Variants in TMEM272 observed in about 807,000 individuals in gnomAD.
TMEM272 encodes transmembrane protein 272, also known as long intergenic non-protein coding RNA 282.
TMEM272 carries 8 observed loss-of-function variants against 3.7 expected under a neutral mutation model. That is an observed-to-expected ratio of 2.17 (90% CI 1.27 to 3.91). The LOEUF (loss-of-function observed/expected upper bound fraction) is 3.91. Ranked by LOEUF, TMEM272 falls within the 30% of genes most tolerant of loss-of-function variation. The pLI is 0.00. For missense variants in TMEM272, 166 were observed against 91.5 expected (o/e 1.81, Z -3.32); for synonymous variants, 63 against 39.8 (o/e 1.58, Z -2.20).
intron 2 of TMEM272, among the ~76,000 whole-genome samples, chr13:51,836,368 G>C (rs1244894942): frequency 1.3e-5 from 2 of 152,216 alleles, no homozygotes; most frequent in Non-Finnish European, 2.9e-5. Flanking sequence ...TGTTATAGCA[G>C]CACAAAGTGG....
chr13:51,822,613 G>A (rs2139555521), intron 3 of TMEM272, among the ~76,000 whole-genome samples: 1 of 152,132 alleles, frequency 6.6e-6, no homozygotes, highest in Admixed American at 6.5e-5. Flanking sequence ...CCAGGTGGCA[G>A]GGAGGAGCCG....
At chr13:51,826,933 C>T (rs1286649939) in intron 2 of TMEM272, among the ~76,000 whole-genome samples, 2 of 152,204 alleles carry the variant, frequency 1.3e-5, no homozygotes, top group East Asian at 1.9e-4. Context: ...CCACTGTGCC[C>T]GTGCCAGGAT....
chr13:51,862,536 T>C, the TMEM272 span, among the ~76,000 whole-genome samples: 2 of 152,200 alleles, frequency 1.3e-5, no homozygotes, highest in Non-Finnish European at 2.9e-5. Context: ...TAGACGCCCA[T>C]TCATCCAGCT....
chr13:51,871,865 T>G, the TMEM272 span, among the ~76,000 whole-genome samples: 1 of 134,562 alleles, frequency 7.4e-6, no homozygotes, highest in East Asian at 2.3e-4. Flanking sequence ...CCCAGAGGCT[T>G]TCCAGCCTTC....
chr13:51,861,503 G>GA, the TMEM272 span, among the ~76,000 whole-genome samples: 4 of 151,838 alleles, frequency 2.6e-5, no homozygotes, highest in Non-Finnish European at 4.4e-5. Context: ...ACTGACAGAA[G>GA]AAAAAAATCC....
chr13:51,854,056 T>C, the TMEM272 span, among the ~76,000 whole-genome samples: 1 of 152,224 alleles, frequency 6.6e-6, no homozygotes, highest in Non-Finnish European at 1.5e-5. Context: ...TTTTAAAATA[T>C]TTAAGTTAAA....
chr13:51,878,665 G>T, the TMEM272 span, among the ~76,000 whole-genome samples: 870 of 152,274 alleles, frequency 5.7e-3, 15 homozygotes, highest in African/African-American at 0.02. Context: ...ACTCTCGAAT[G>T]TATTTGGAAT....
the TMEM272 span, among the ~76,000 whole-genome samples, chr13:51,915,468 G>A: frequency 6.6e-6 from 1 of 152,226 alleles, no homozygotes; most frequent in Admixed American, 6.5e-5. Context: ...CTTTGTTGAT[G>A]AGAATCAACT....
the TMEM272 span, among the ~76,000 whole-genome samples, chr13:51,906,138 A>G: frequency 2.0e-5 from 3 of 152,294 alleles, no homozygotes; most frequent in South Asian, 6.2e-4. Flanking sequence ...AAAGAGCAGC[A>G]TGCAGGGCTG....
At chr13:51,917,019 C>A in the TMEM272 span, among the ~76,000 whole-genome samples, 3 of 152,186 alleles carry the variant, frequency 2.0e-5, no homozygotes, top group Admixed American at 2.0e-4. Flanking sequence ...ACAAGTAAGG[C>A]CCCGTTAACG....
chr13:51,866,333 A>C, the TMEM272 span: 20 of 411,578 alleles, frequency 4.9e-5, no homozygotes, highest in Non-Finnish European at 8.4e-5. Flanking sequence ...GGCAGCTCCC[A>C]GTGACCCCAG....
the TMEM272 span, among the ~76,000 whole-genome samples, chr13:51,906,339 G>A: frequency 6.6e-6 from 1 of 152,258 alleles, no homozygotes; most frequent in South Asian, 2.1e-4. Context: ...CTCCACCCTT[G>A]GGCCCAGGGC....
chr13:51,814,825 T>A lies in TMEM272; in HGVS notation c.*1926A>T, dbSNP rs930336672. 3.9e-5 allele frequency: 6 copies of A among 152,328 alleles called. No homozygotes were observed. The highest frequency in any genetic ancestry group is 1.4e-4 in the African/African-American group (6 of 41,456). 9.4% of individuals were successfully genotyped at this position (152,328 alleles called of 1,614,324 possible). ...CCAACGTTTGAGACCTAGCTACTGA[T>A]GTATCCAAAGCACTAACCAGTACCT... On this transcript the variant is annotated 3_prime_UTR_variant, in exon 5 of 5. Transcript: ENST00000629372.
chr13:51,839,838 GC>G (rs1956246274), intron 1 of TMEM272, among the ~76,000 whole-genome samples: 1 of 152,238 alleles, frequency 6.6e-6, no homozygotes, highest in South Asian at 2.1e-4. Flanking sequence ...CTGATCCACT[GC>G]TAGCACACAA....
At chr13:51,817,766 G>A (rs1187768270) in intron 4 of TMEM272, among the ~76,000 whole-genome samples, 1 of 152,172 alleles carries the variant, frequency 6.6e-6, no homozygotes, top group Non-Finnish European at 1.5e-5. Flanking sequence ...CAAGTCAAGA[G>A]CACAGACCCT....
intron 1 of TMEM272, among the ~76,000 whole-genome samples, chr13:51,843,432 C>T (rs1056512321): frequency 7.9e-5 from 12 of 152,134 alleles, no homozygotes; most frequent in African/African-American, 2.9e-4. Context: ...GGCAGCTCTT[C>T]CAAAAGAGGG....
At chr13:51,878,548 C>T in the TMEM272 span, among the ~76,000 whole-genome samples, 3 of 152,186 alleles carry the variant, frequency 2.0e-5, no homozygotes, top group Non-Finnish European at 2.9e-5. Context: ...GGTCCCTCCC[C>T]CAGCACCTGG....
the TMEM272 span, among the ~76,000 whole-genome samples, chr13:51,897,770 T>C: frequency 6.7e-6 from 1 of 148,950 alleles, no homozygotes; most frequent in Non-Finnish European, 1.5e-5. Context: ...CTACTGAAAA[T>C]ACAAAAATTA....
chr13:51,908,953 T>C, the TMEM272 span: 22 of 1,383,416 alleles, frequency 1.6e-5, no homozygotes, highest in Non-Finnish European at 2.3e-5. Flanking sequence ...CCTGGGCCTC[T>C]TGGGTCTCTT....
Sources: gnomAD v4.1 joint callset for allele counts (sites outside exome capture counted in the v4.1 genomes callset) on GRCh38, gnomAD v4.1.1 for gene constraint, MANE v1.5 for transcripts, NCBI Gene and HGNC (gene_info 2026-07-23, HGNC 2026-07-21) for gene names.